Variants in OCM observed in about 807,000 individuals in gnomAD.
The protein encoded by OCM is oncomodulin.
In OCM, 18 loss-of-function variants were observed where a neutral mutation model predicts 14.1. That is an observed-to-expected ratio of 1.28 (90% confidence interval 0.88 to 1.89). The LOEUF is 1.89. Ranked by LOEUF, OCM falls within the 40% of genes most tolerant of loss-of-function variation. The probability of loss-of-function intolerance (pLI) is 0.00; values close to 1 mark genes in which losing one functional copy is unlikely to be tolerated. For synonymous variants in OCM, 48 were observed against 51.0 expected (o/e 0.94, Z 0.25); for missense variants, 140 against 137.6 (o/e 1.02, Z -0.09).
chr7:5,877,845 G>T (rs1324728758), upstream of OCM, among the ~76,000 whole-genome samples: 1 of 125,562 alleles, frequency 8.0e-6, no homozygotes, highest in East Asian at 2.2e-4. Context: ...AAAAAAAAAA[G>T]GAGATCCTGA....
At chr7:5,864,356 A>G in the OCM span, among the ~76,000 whole-genome samples, 1 of 151,576 alleles carries the variant, frequency 6.6e-6, no homozygotes, top group Non-Finnish European at 1.5e-5. Flanking sequence ...CAAAAAAAAA[A>G]AAAAAGGAAG....
At chr7:5,868,588 A>G in the OCM span, among the ~76,000 whole-genome samples, 12 of 152,296 alleles carry the variant, frequency 7.9e-5, 3 homozygotes, top group African/African-American at 2.2e-4. Flanking sequence ...GTGAGGGGGA[A>G]AAAAGACATA....
upstream of OCM, among the ~76,000 whole-genome samples, chr7:5,880,576 T>C (rs74391696): frequency 6.6e-6 from 1 of 152,048 alleles, no homozygotes; most frequent in East Asian, 1.9e-4. Context: ...CTGGCCAACA[T>C]GGCAAAACCC....
chr7:5,874,114 C>T, the OCM span, among the ~76,000 whole-genome samples: 1 of 147,420 alleles, frequency 6.8e-6, no homozygotes, highest in Non-Finnish European at 1.5e-5. Context: ...ATCCCAGCTA[C>T]TCGGGAGGCT....
chr7:5,883,430 A>C (rs928444939), intron 2 of OCM, among the ~76,000 whole-genome samples: 6 of 152,128 alleles, frequency 3.9e-5, no homozygotes, highest in Non-Finnish European at 8.8e-5. Context: ...CTACAATCCC[A>C]GCCCTTTGGG....
At chr7:5,878,757 A>C (rs570475458), upstream of OCM, among the ~76,000 whole-genome samples, 92 of 151,550 alleles carry the variant, frequency 6.1e-4, no homozygotes, top group African/African-American at 2.0e-3. Context: ...CAAAAAACAA[A>C]AAAAAAAAAT....
chr7:5,873,075 A>G, the OCM span, among the ~76,000 whole-genome samples: 10 of 151,884 alleles, frequency 6.6e-5, no homozygotes, highest in African/African-American at 2.4e-4. Context: ...ATCTACAAAA[A>G]CTAAATTAAA....
chr7:5,884,016 A>C lies in OCM; in HGVS notation c.304+17A>C, dbSNP rs771762204. 3.5e-5 allele frequency: 56 copies of C among 1,610,460 alleles called. No individual in the cohort carries two copies. In the South Asian group the frequency reaches 5.8e-4, roughly 17 times the overall value. On this transcript the variant is annotated intron_variant, in intron 3 of 3. Transcript: ENST00000242104. ...GAGCAGAGGGTATGTCCACACGTGT[A>C]CGTAGCATAAAACACTCTAGCTCAG...
chr7:5,861,845 T>C, the OCM span, among the ~76,000 whole-genome samples: 397 of 152,086 alleles, frequency 2.6e-3, 2 homozygotes, highest in African/African-American at 9.0e-3. Context: ...TCCCAAAGCA[T>C]TGAAATTGCA....
the OCM span, among the ~76,000 whole-genome samples, chr7:5,864,208 G>A: frequency 9.3e-4 from 142 of 151,946 alleles, no homozygotes; most frequent in East Asian, 0.017. Flanking sequence ...GCATGGTGGT[G>A]CATGCCTGTG....
chr7:5,877,952 G>A (rs1184523819), upstream of OCM, among the ~76,000 whole-genome samples: 2 of 148,946 alleles, frequency 1.3e-5, no homozygotes, highest in African/African-American at 5.0e-5. Flanking sequence ...CTTATATGAT[G>A]TCCCTAGATA....
the OCM span, among the ~76,000 whole-genome samples, chr7:5,868,253 T>C: frequency 6.6e-6 from 1 of 151,932 alleles, no homozygotes; most frequent in African/African-American, 2.4e-5. Context: ...CTCAAGCGAT[T>C]CTCCTGCCTC....
chr7:5,868,389 C>G, the OCM span, among the ~76,000 whole-genome samples: 1 of 152,046 alleles, frequency 6.6e-6, no homozygotes, highest in Non-Finnish European at 1.5e-5. Context: ...CTCAAATGGT[C>G]TCCCACATTG....
the OCM span, among the ~76,000 whole-genome samples, chr7:5,863,579 C>T: frequency 6.8e-6 from 1 of 148,096 alleles, no homozygotes; most frequent in Non-Finnish European, 1.5e-5. Flanking sequence ...GTCACCCAGG[C>T]TGGAGTGCAA....
At chr7:5,860,278 C>A in the OCM span, among the ~76,000 whole-genome samples, 3 of 151,066 alleles carry the variant, frequency 2.0e-5, no homozygotes, top group African/African-American at 7.3e-5. Context: ...GCGTCCTATA[C>A]CATTTTGTTT....
rs548136650 is a variant in OCM at position 5,880,898 on chromosome 7, CA to C, written c.10del (p.Thr4ArgfsTer41). 4.2e-5 allele frequency: 67 copies of C among 1,614,050 alleles called. No homozygotes were observed. In the Middle Eastern group the frequency reaches 2.3e-3, roughly 56 times the overall value. MSI[T>X]DVLSADDIAA... ...GTGTGAGTAGGTAGAAAATGAGCATCACGGACGTGCTCAGTGCTGACGACAT... is the reference window on the plus strand; with the variant it reads ...GTGTGAGTAGGTAGAAAATGAGCATCCGGACGTGCTCAGTGCTGACGACAT... On this transcript the variant is annotated frameshift_variant, in exon 1 of 4. Coordinates refer to ENST00000242104, the MANE Select transcript of OCM (RefSeq NM_001097622.2). LOFTEE classifies it high-confidence loss of function.
At chr7:5,868,443 G>A in the OCM span, among the ~76,000 whole-genome samples, 116 of 152,110 alleles carry the variant, frequency 7.6e-4, no homozygotes, top group African/African-American at 2.6e-3. Flanking sequence ...CACCGCGCCC[G>A]GCCACTCCCA....
the OCM span, among the ~76,000 whole-genome samples, chr7:5,866,644 T>A: frequency 6.6e-6 from 1 of 152,200 alleles, no homozygotes; most frequent in Non-Finnish European, 1.5e-5. Flanking sequence ...ACTGAGAATT[T>A]AAACTCACTC....
chr7:5,878,958 A>C (rs1781153959), upstream of OCM, among the ~76,000 whole-genome samples: 1 of 151,460 alleles, frequency 6.6e-6, no homozygotes, highest in African/African-American at 2.4e-5. Context: ...AGGTGGGAGA[A>C]TTACTTGAGC....
Sources: gnomAD v4.1 joint callset for allele counts (sites outside exome capture counted in the v4.1 genomes callset) on GRCh38, gnomAD v4.1.1 for gene constraint, MANE v1.5 for transcripts, NCBI Gene and HGNC (gene_info 2026-07-23, HGNC 2026-07-21) for gene names.